Variants in GRM5 observed in about 807,000 individuals in gnomAD.
GRM5 encodes metabotropic glutamate receptor 5.
In GRM5, 19 loss-of-function variants were observed where a neutral mutation model predicts 83.1. The ratio of observed to expected loss-of-function variants is 0.23; its 90% CI spans 0.16 to 0.34. The LOEUF (loss-of-function observed/expected upper bound fraction) is 0.34, where lower values mean the gene tolerates loss of function less well. GRM5 is among the 10% of genes least tolerant of loss of function. The pLI is 1.00. For missense variants in GRM5, 1,160 were observed against 1,588.3 expected (o/e 0.73, Z 4.58); for synonymous variants, 675 against 633.6 (o/e 1.07, Z -0.98).
intron 2 of GRM5, among the ~76,000 whole-genome samples, chr11:88,968,034 A>G (rs677483): frequency 0.62 from 93,767 of 151,952 alleles, 30,530 homozygotes; most frequent in African/African-American, 0.83. Flanking sequence ...GTCTATTGAT[A>G]GTGGAGCAAC....
intron 4 of GRM5, among the ~76,000 whole-genome samples, chr11:88,637,600 A>G (rs1424708230): frequency 2.2e-4 from 32 of 148,122 alleles, no homozygotes; most frequent in African/African-American, 7.8e-4. Flanking sequence ...CAAAACCACA[A>G]TGAGATACCA....
chr11:88,534,844 A>T (rs756805941), intron 8 of GRM5, among the ~76,000 whole-genome samples: 2 of 152,138 alleles, frequency 1.3e-5, no homozygotes, highest in Non-Finnish European at 2.9e-5. Context: ...GAGATAATTG[A>T]ATCATGGGGG....
At chr11:88,591,528 T>C (rs1937639480) in intron 6 of GRM5, among the ~76,000 whole-genome samples, 1 of 152,238 alleles carries the variant, frequency 6.6e-6, no homozygotes, top group East Asian at 1.9e-4. Context: ...ATAGACAGCA[T>C]TCATTAAATG....
intron 7 of GRM5, among the ~76,000 whole-genome samples, chr11:88,574,811 T>C (rs1385787836): frequency 6.6e-6 from 1 of 152,090 alleles, no homozygotes; most frequent in African/African-American, 2.4e-5. Flanking sequence ...ATTTGGGACA[T>C]TTTTTATGAC....
chr11:88,967,219 ATGTG>A (rs59893165), intron 2 of GRM5, among the ~76,000 whole-genome samples: 65,112 of 143,180 alleles, frequency 0.45, 15,635 homozygotes, highest in South Asian at 0.65. Flanking sequence ...GTGTGTATAT[ATGTG>A]TGTGTATGTA....
At chr11:88,787,055 A>T (rs1333073795) in intron 3 of GRM5, among the ~76,000 whole-genome samples, 1 of 152,048 alleles carries the variant, frequency 6.6e-6, no homozygotes, top group Non-Finnish European at 1.5e-5. Context: ...AATAAAATGT[A>T]CTAATTACAG....
chr11:89,006,917 C>A (rs1397584374), intron 2 of GRM5, among the ~76,000 whole-genome samples: 1 of 152,216 alleles, frequency 6.6e-6, no homozygotes, highest in African/African-American at 2.4e-5. Flanking sequence ...CCTGCCCAAG[C>A]CTCCTGAGTA....
intron 2 of GRM5, among the ~76,000 whole-genome samples, chr11:88,966,183 A>G (rs1286398171): frequency 6.6e-6 from 1 of 152,110 alleles, no homozygotes; most frequent in Non-Finnish European, 1.5e-5. Flanking sequence ...AAAATATTGA[A>G]CTGAATGAAA....
chr11:89,044,257 C>G (rs1290177260), intron 2 of GRM5, among the ~76,000 whole-genome samples: 1 of 152,160 alleles, frequency 6.6e-6, no homozygotes, highest in East Asian at 1.9e-4. Context: ...CTAGTTTGAT[C>G]TGCTCTTTAA....
intron 8 of GRM5, among the ~76,000 whole-genome samples, chr11:88,535,891 T>C (rs1942120734): frequency 6.6e-6 from 1 of 152,222 alleles, no homozygotes; most frequent in Non-Finnish European, 1.5e-5. Flanking sequence ...GTACCATTTA[T>C]ATAAAATAAG....
chr11:88,850,493 A>G (rs758362883), intron 2 of GRM5, among the ~76,000 whole-genome samples: 4 of 152,182 alleles, frequency 2.6e-5, no homozygotes, highest in Admixed American at 6.5e-5. Context: ...TTTGCATTCT[A>G]TCTCACTTCC....
chr11:89,064,888 C>CTCTCTGTGTGTGTGTGTG (rs1218318990), intron 1 of GRM5, among the ~76,000 whole-genome samples: 41 of 62,234 alleles, frequency 6.6e-4, no homozygotes, highest in African/African-American at 2.5e-3. Context: ...CTCTCTCTCT[C>CTCTCTGTGTGTGTGTGTG]TGTGTGTGTG....
At chr11:88,903,683 A>C (rs1242608453) in intron 2 of GRM5, among the ~76,000 whole-genome samples, 2 of 152,188 alleles carry the variant, frequency 1.3e-5, no homozygotes, top group Admixed American at 6.5e-5. Flanking sequence ...TACAAGTAGG[A>C]ACTAAAATAA....
intron 2 of GRM5, among the ~76,000 whole-genome samples, chr11:88,853,052 T>C (rs1178872439): frequency 6.6e-6 from 1 of 152,112 alleles, no homozygotes; most frequent in Non-Finnish European, 1.5e-5. Flanking sequence ...GTATAAAATA[T>C]GAAACTAACA....
chr11:89,045,496 T>C (rs1363165526), intron 2 of GRM5, among the ~76,000 whole-genome samples: 1 of 152,202 alleles, frequency 6.6e-6, no homozygotes, highest in East Asian at 1.9e-4. Flanking sequence ...TAAGATGATC[T>C]TGGAAATTAT....
At chr11:88,728,507 C>T (rs1672483258) in intron 3 of GRM5, among the ~76,000 whole-genome samples, 1 of 152,164 alleles carries the variant, frequency 6.6e-6, no homozygotes, top group African/African-American at 2.4e-5. Context: ...AGAGGGGCTC[C>T]TCCCTAACTC....
chr11:88,954,867 T>C (rs1314190859), intron 2 of GRM5, among the ~76,000 whole-genome samples: 1 of 152,176 alleles, frequency 6.6e-6, no homozygotes, highest in Non-Finnish European at 1.5e-5. Context: ...GAACAGGTGC[T>C]CGGATGGGTG....
At chr11:89,060,534 T>A (rs1411472000) in intron 1 of GRM5, among the ~76,000 whole-genome samples, 1 of 152,042 alleles carries the variant, frequency 6.6e-6, no homozygotes, top group Non-Finnish European at 1.5e-5. Context: ...ATATGATAAT[T>A]AAATAAAATA....
At chr11:88,902,341 A>G (rs1945326739) in intron 2 of GRM5, among the ~76,000 whole-genome samples, 1 of 152,086 alleles carries the variant, frequency 6.6e-6, no homozygotes, top group Non-Finnish European at 1.5e-5. Flanking sequence ...CTCACATTCT[A>G]TCTGGGAAGA....
Sources: allele counts gnomAD v4.1 joint callset (sites outside exome capture counted in the v4.1 genomes callset), GRCh38; gene constraint gnomAD v4.1.1; transcripts MANE v1.5; gene names NCBI Gene and HGNC (gene_info 2026-07-23, HGNC 2026-07-21).